The following CNTN5 variants were observed in gnomAD, a reference collection of about 807,000 sequenced individuals.
CNTN5 encodes contactin 5, also known as contactin-5.
CNTN5 carries 77 observed loss-of-function variants against 129.1 expected under a neutral mutation model. That is an observed-to-expected ratio of 0.60 (90% CI 0.50 to 0.72). CNTN5 has a LOEUF of 0.72. Ranked by LOEUF, CNTN5 falls within the 30% of genes least tolerant of loss-of-function variation. CNTN5 has a pLI of 0.00. For missense variants in CNTN5, 1,478 were observed against 1,328.8 expected (o/e 1.11, Z -1.75); for synonymous variants, 509 against 465.6 (o/e 1.09, Z -1.20).
intron 2 of CNTN5, among the ~76,000 whole-genome samples, chr11:99,546,549 G>A (rs1268844719): frequency 6.6e-6 from 1 of 152,098 alleles, no homozygotes; most frequent in African/African-American, 2.4e-5. Flanking sequence ...AATAAATAAA[G>A]TCTCCTCCTC....
chr11:99,878,401 A>G (rs1201245180), intron 6 of CNTN5, among the ~76,000 whole-genome samples: 1 of 152,200 alleles, frequency 6.6e-6, no homozygotes, highest in East Asian at 1.9e-4. Flanking sequence ...ATAAATAGTT[A>G]TTGTACAACT....
At chr11:100,286,428 C>T (rs1950794121) in intron 18 of CNTN5, among the ~76,000 whole-genome samples, 1 of 151,410 alleles carries the variant, frequency 6.6e-6, no homozygotes, top group Non-Finnish European at 1.5e-5. Context: ...CAGACTGCCT[C>T]CTCAAGTGGG....
chr11:99,683,551 T>A (rs541595105), intron 3 of CNTN5, among the ~76,000 whole-genome samples: 1 of 152,048 alleles, frequency 6.6e-6, no homozygotes, highest in Admixed American at 6.5e-5. Context: ...TTATAATAAA[T>A]CTTTTTACTT....
intron 1 of CNTN5, among the ~76,000 whole-genome samples, chr11:99,215,037 A>G (rs1164263299): frequency 1.3e-5 from 2 of 152,090 alleles, no homozygotes; most frequent in Non-Finnish European, 2.9e-5. Context: ...AAAAGAAAAA[A>G]AAAATGAAGA....
At chr11:100,040,233 A>T (rs1386485920) in intron 9 of CNTN5, among the ~76,000 whole-genome samples, 1 of 152,076 alleles carries the variant, frequency 6.6e-6, no homozygotes, top group East Asian at 1.9e-4. Flanking sequence ...CTAGAGGTCC[A>T]CTCCAGACCC....
intron 3 of CNTN5, among the ~76,000 whole-genome samples, chr11:99,771,537 T>C (rs888086835): frequency 2.0e-5 from 3 of 151,892 alleles, no homozygotes; most frequent in Non-Finnish European, 2.9e-5. Flanking sequence ...TTAGGCAAAA[T>C]TAGCAAGACA....
intron 6 of CNTN5, among the ~76,000 whole-genome samples, chr11:99,878,396 T>C (rs773329944): frequency 8.5e-5 from 13 of 152,176 alleles, no homozygotes; most frequent in Non-Finnish European, 1.8e-4. Flanking sequence ...TGGGGATAAA[T>C]AGTTATTGTA....
chr11:99,433,361 T>TTA (rs72519043), intron 2 of CNTN5, among the ~76,000 whole-genome samples: 25 of 133,648 alleles, frequency 1.9e-4, no homozygotes, highest in African/African-American at 2.6e-4. Context: ...GTTTATCTGG[T>TTA]AAAAAAAAAA....
intron 8 of CNTN5, among the ~76,000 whole-genome samples, chr11:99,970,532 G>A (rs1380310163): frequency 1.3e-5 from 2 of 152,082 alleles, no homozygotes; most frequent in African/African-American, 4.8e-5. Flanking sequence ...TATCTGATAG[G>A]GTTCCTGTGA....
At chr11:100,329,834 T>C (rs1005331721) in intron 21 of CNTN5, among the ~76,000 whole-genome samples, 3 of 152,192 alleles carry the variant, frequency 2.0e-5, no homozygotes, top group Non-Finnish European at 4.4e-5. Context: ...AGCAACGCTT[T>C]AATCCCAGAT....
intron 23 of CNTN5, among the ~76,000 whole-genome samples, chr11:100,348,414 C>T (rs551356665): frequency 6.6e-6 from 1 of 152,140 alleles, no homozygotes; most frequent in East Asian, 1.9e-4. Context: ...ATCTCAAACT[C>T]GTTTTGACAC....
chr11:99,307,913 C>T (rs1360908966), intron 1 of CNTN5, among the ~76,000 whole-genome samples: 1 of 152,200 alleles, frequency 6.6e-6, no homozygotes, highest in African/African-American at 2.4e-5. Flanking sequence ...CCCAAACCAG[C>T]ATAGGCTTAC....
intron 3 of CNTN5, among the ~76,000 whole-genome samples, chr11:99,694,343 T>C (rs555683396): frequency 2.0e-5 from 3 of 152,218 alleles, no homozygotes; most frequent in Admixed American, 6.5e-5. Context: ...CCACATTTCA[T>C]TGTCAGAGCT....
intron 2 of CNTN5, among the ~76,000 whole-genome samples, chr11:99,414,435 A>G (rs1942547177): frequency 6.6e-6 from 1 of 152,022 alleles, no homozygotes; most frequent in South Asian, 2.1e-4. Flanking sequence ...GATACAGCAG[A>G]AAATTATATA....
At chr11:100,295,670 T>C (rs1951086431) in intron 18 of CNTN5, among the ~76,000 whole-genome samples, 1 of 151,404 alleles carries the variant, frequency 6.6e-6, no homozygotes, top group African/African-American at 2.4e-5. Context: ...CTAGAGTTTC[T>C]GAGCATCCTT....
chr11:100,291,258 G>T (rs904143480), intron 18 of CNTN5, among the ~76,000 whole-genome samples: 1 of 151,694 alleles, frequency 6.6e-6, no homozygotes, highest in Non-Finnish European at 1.5e-5. Context: ...CCATTACTGG[G>T]TATATACCCA....
chr11:99,700,194 T>C (rs377067139), intron 3 of CNTN5, among the ~76,000 whole-genome samples: 1 of 151,442 alleles, frequency 6.6e-6, no homozygotes, highest in South Asian at 2.1e-4. Context: ...AATGTTCTAA[T>C]GGAGCAAGTT....
chr11:99,539,928 A>AT (rs1221242103), intron 2 of CNTN5, among the ~76,000 whole-genome samples: 1 of 152,104 alleles, frequency 6.6e-6, no homozygotes, highest in Non-Finnish European at 1.5e-5. Flanking sequence ...TTTGTCATGT[A>AT]TTTTAAATCT....
At chr11:100,165,631 A>T (rs936078326) in intron 13 of CNTN5, among the ~76,000 whole-genome samples, 1 of 151,812 alleles carries the variant, frequency 6.6e-6, no homozygotes, top group Non-Finnish European at 1.5e-5. Flanking sequence ...AAGTTTAAAC[A>T]TAGAAGTTGA....
Sources: gnomAD v4.1 joint callset for allele counts (sites outside exome capture counted in the v4.1 genomes callset) on GRCh38, gnomAD v4.1.1 for gene constraint, MANE v1.5 for transcripts, NCBI Gene and HGNC (gene_info 2026-07-23, HGNC 2026-07-21) for gene names.